The following POLG variants were observed in gnomAD, a reference collection of about 807,000 sequenced individuals.
The protein encoded by POLG is DNA polymerase gamma, catalytic subunit.
Under a neutral mutation model 155.4 loss-of-function variants are expected in POLG, and 110 were observed. That is an observed-to-expected ratio of 0.71 (90% CI 0.61 to 0.83). The LOEUF (loss-of-function observed/expected upper bound fraction) is 0.83. POLG is among the 40% of genes least tolerant of loss of function. The probability of loss-of-function intolerance (pLI) is 0.00; values close to 1 mark genes in which losing one functional copy is unlikely to be tolerated. For synonymous variants in POLG, 701 were observed against 631.5 expected (o/e 1.11, Z -1.65); for missense variants, 1,685 against 1,627.5 (o/e 1.04, Z -0.61).
chr15:89,319,121 G>A lies in POLG; in HGVS notation c.3105-22C>T, dbSNP rs199809987. 371 of 1,614,142 alleles carry A rather than the reference G, an allele frequency of 2.3e-4. 2 individuals carry two copies. The highest frequency in any genetic ancestry group is 3.3e-5 in the Non-Finnish European group (39 of 1,180,020). On this transcript the variant is annotated intron_variant, in intron 19 of 22. Coordinates refer to ENST00000268124, the MANE Select transcript of POLG (RefSeq NM_002693.3). ...TGACCTAAGGGACCAGAAACAGAGGGCAGACTTTGTCTTTCAGCATCTCAA... is the reference window on the plus strand; with the variant it reads ...TGACCTAAGGGACCAGAAACAGAGGACAGACTTTGTCTTTCAGCATCTCAA...
At chr15:89,325,314 GTTAA>G (rs1320235329) in intron 10 of POLG, 132 bp downstream of exon 10, 2 of 691,158 alleles carry the variant, frequency 2.9e-6, no homozygotes, top group Non-Finnish European at 2.6e-6. Context: ...GTGTGTGTGT[GTTAA>G]TTTTTTTCCT....
Position 89,326,592 on chromosome 15 carries a change from T to G in POLG, c.1712+20A>C, listed in dbSNP as rs773471806. 6.2e-7 allele frequency: 1 copy of G among 1,612,422 alleles called. No individual in the cohort carries two copies. The highest frequency in any genetic ancestry group is 1.1e-5 in the South Asian group (1 of 91,074). On this transcript the variant is annotated intron_variant, in intron 9 of 22. Coordinates refer to ENST00000268124, the MANE Select transcript of POLG (RefSeq NM_002693.3). The stretch of plus-strand genomic sequence containing the variant: ...CAAGGGTAGACTCTAGATACACTGC[T>G]GGGGGTGGGCAGGGCTCACCCAGGG...
At chr15:89,331,550 T>C (rs146865522) in intron 2 of POLG, among the ~76,000 whole-genome samples, 2 of 152,334 alleles carry the variant, frequency 1.3e-5, no homozygotes, top group Non-Finnish European at 2.9e-5. Context: ...CTGTGAATCT[T>C]AGAAAAATGC....
intron 14 of POLG, 62 bp from the exon 15 acceptor site, chr15:89,322,077 C>G: frequency 6.8e-7 from 1 of 1,474,466 alleles, no homozygotes; most frequent in Non-Finnish European, 9.5e-7. Context: ...ATCCCACATC[C>G]CACCATGGCC....
rs2055502607 is a variant in POLG at position 89,325,471 on chromosome 15, G to C, written c.1928C>G (p.Ala643Gly). 1 of 1,604,418 alleles carries C rather than the reference G, an allele frequency of 6.2e-7. No individual in the cohort carries two copies. Among genetic ancestry groups the C allele is most frequent in the Non-Finnish European group, 8.5e-7 (1 of 1,179,608 alleles). The change falls in exon 10 of 23, where the codon GCT (alanine) becomes GGT (glycine). Residue 643 changes from alanine to glycine, a missense_variant. Ala to Gly is a moderately conservative substitution (Grantham distance 60). Transcript: ENST00000268124. ...KLPTGTTLES[A>G]GVVCPYRAIE... ...TTACCTGTAGGGGCAGACCACCCCAGCTGACTCCAGGGTGGTACCTGTCGG... is the reference window on the plus strand; with the variant it reads ...TTACCTGTAGGGGCAGACCACCCCACCTGACTCCAGGGTGGTACCTGTCGG...
intron 2 of POLG, among the ~76,000 whole-genome samples, chr15:89,332,699 T>C (rs1004218303): frequency 1.3e-5 from 2 of 152,028 alleles, no homozygotes; most frequent in Admixed American, 6.5e-5. Context: ...AAAAGGGAGC[T>C]TTCTACCGCC....
intron 10 of POLG, among the ~76,000 whole-genome samples, chr15:89,325,111 AGAGTGAGTGAGTGAGT>A (rs554059036): frequency 2.7e-5 from 1 of 36,912 alleles, no homozygotes; most frequent in Admixed American, 2.2e-4. Flanking sequence ...AGAGTGAGAG[AGAGTGAGTGAGTGAGT>A]GAGAGAGTGA....
rs3176203 is a variant in POLG, at chr15:89,322,978, A to G, written c.2266-76T>C. ...GTGGGGAACCAACGTGAGTACCTGC[A>G]CTCCTCCCAACACTGAGCCCAGAAC... On this transcript the variant is annotated intron_variant, in intron 13 of 22. Transcript: ENST00000268124. 0.066 allele frequency: 92,150 copies of G among 1,406,690 alleles called. 3,291 individuals carry two copies. Among genetic ancestry groups the G allele is most frequent in the South Asian group, 0.076 (6,243 of 81,920 alleles). 87.1% of individuals were successfully genotyped at this position (1,406,690 alleles called of 1,614,324 possible).
chr15:89,322,740 A>C lies in POLG; in HGVS notation c.2426+2T>G. The C allele has an allele frequency of 6.2e-7, 1 of 1,613,970 alleles. No individual in the cohort carries two copies. The highest frequency in any genetic ancestry group is 8.5e-7 in the Non-Finnish European group (1 of 1,179,970). ...CCCAGGACTCCTCCCATGGTGGCCC[A>C]CCTGATACGTTTATGGGCGTTCCTC... On this transcript the variant is annotated splice_donor_variant, in intron 14 of 22. Transcript: ENST00000268124. LOFTEE classifies it high-confidence loss of function.
At chr15:89,325,736 T>TG (rs1269490154) in intron 9 of POLG, 50 bp from the exon 10 acceptor site, 1 of 1,387,314 alleles carries the variant, frequency 7.2e-7, no homozygotes, top group Non-Finnish European at 1.0e-6. Context: ...GGGCAGTTGT[T>TG]GGGGGGAAGG....
At chr15:89,326,009 C>T (rs181253812) in intron 9 of POLG, among the ~76,000 whole-genome samples, 1 of 152,290 alleles carries the variant, frequency 6.6e-6, no homozygotes, top group African/African-American at 2.4e-5. Context: ...GAGGAGGGAG[C>T]AGATCTGCCC....
At position 89,333,581 on chromosome 15, in the gene POLG, C is replaced by G. The variant is rs1285538669; in HGVS notation, c.174G>C (p.Gln58His). Residue 58 changes from glutamine (Q) to histidine (H), a missense_variant, in exon 2 of 23, where the codon CAG becomes CAC. Physicochemically the swap from Gln to His is conservative, Grantham distance 24. This residue lies in a region of POLG where 1,210 missense variants were observed against 1,167.1 expected (regional missense o/e 1.04). Transcript: ENST00000268124. ...CGCCCTCCGAGGATAGCACTTGCGG[C>G]TGCTGAGGCTGCTGTTGCTGCTGCT... is the stretch of plus-strand genomic sequence containing the variant. ...QQQQQQQQPQ[Q>H]PQVLSSEGGQ... The G allele has an allele frequency of 1.2e-6, 2 of 1,608,488 alleles. No individual in the cohort carries two copies. The highest frequency in any genetic ancestry group is 3.3e-5 in the Admixed American group (2 of 59,858).
intron 12 of POLG, 115 bp from the exon 13 acceptor site, chr15:89,323,626 C>G: frequency 1.2e-6 from 1 of 822,240 alleles, no homozygotes; most frequent in Non-Finnish European, 2.1e-6. Context: ...TGGGAAATGA[C>G]AAGATGGCCA....
chr15:89,333,463 C>G lies in POLG; in HGVS notation c.292G>C (p.Ala98Pro). Residue 98 changes from alanine to proline, a missense_variant, in exon 2 of 23, where the codon GCC (alanine) becomes CCC (proline). Physicochemically the swap from Ala to Pro is conservative, Grantham distance 27. Transcript: ENST00000268124. Reference protein sequence around the residue: ...FGQGGEMPGEAAVRRSVEHLQ... With the variant: ...FGQGGEMPGEPAVRRSVEHLQ... ...TGCTCGACGCTGCGGCGCACCGCGG[C>G]CTCGCCAGGCATCTCCCCTCCTTGC... The G allele has an allele frequency of 6.2e-7, 1 of 1,611,474 alleles. No homozygotes were observed. The highest frequency in any genetic ancestry group is 8.5e-7 in the Non-Finnish European group (1 of 1,179,684).
At chr15:89,325,207 A>AGTGAGTGAGTGAGT in intron 10 of POLG, among the ~76,000 whole-genome samples, 1 of 67,354 alleles carries the variant, frequency 1.5e-5, no homozygotes, top group Non-Finnish European at 2.6e-5. Context: ...AGTGAGTGAG[A>AGTGAGTGAGTGAGT]GAGTGAGTGA....
At chr15:89,325,806 C>T (rs2055509765) in intron 9 of POLG, 120 bp from the exon 10 acceptor site, 2 of 815,086 alleles carry the variant, frequency 2.5e-6, no homozygotes, top group African/African-American at 1.7e-5. Flanking sequence ...CTGGTGACCC[C>T]AGCCTACAGC....
intron 9 of POLG, among the ~76,000 whole-genome samples, chr15:89,326,323 T>C (rs1367849007): frequency 6.6e-6 from 1 of 152,142 alleles, no homozygotes; most frequent in Non-Finnish European, 1.5e-5. Flanking sequence ...TGGCTCCTCC[T>C]AGGAAAAAGA....
At chr15:89,320,655 T>G (rs2055380666) in intron 18 of POLG, 111 bp downstream of exon 18, 1 of 1,210,876 alleles carries the variant, frequency 8.3e-7, no homozygotes, top group Non-Finnish European at 1.2e-6. Flanking sequence ...GGAGAGGGGC[T>G]AGGTGAGAGT....
At chr15:89,317,740 C>CAATT (rs2055320734) in intron 21 of POLG, 1 of 594,112 alleles carries the variant, frequency 1.7e-6, no homozygotes, top group Non-Finnish European at 3.0e-6. Context: ...TACTGAAATG[C>CAATT]AATTATGGAC....
Sources: gnomAD v4.1 joint callset for allele counts (sites outside exome capture counted in the v4.1 genomes callset) on GRCh38, gnomAD v4.1.1 for gene constraint, gnomAD v4.1.1 regional missense constraint, MANE v1.5 for transcripts, NCBI Gene and HGNC (gene_info 2026-07-23, HGNC 2026-07-21) for gene names.